Variants in PARD3B observed in about 807,000 individuals in gnomAD.
The protein encoded by PARD3B is par-3 family cell polarity regulator beta.
A neutral mutation model predicts 130.2 loss-of-function variants in PARD3B; 103 were observed. The observed-to-expected ratio is 0.79, with a 90% CI of 0.67 to 0.93. The LOEUF (loss-of-function observed/expected upper bound fraction) is 0.93. Ranked by LOEUF, PARD3B falls within the 40% of genes least tolerant of loss-of-function variation. The pLI is 0.00. For synonymous variants in PARD3B, 583 were observed against 553.2 expected, an observed-to-expected ratio of 1.05 and a Z score of -0.76; for missense variants, 1,609 against 1,499.2, an observed-to-expected ratio of 1.07 and a Z score of -1.21.
chr2:204,910,937 C>T (rs1449468083), intron 2 of PARD3B, among the ~76,000 whole-genome samples: 3 of 152,220 alleles, frequency 2.0e-5, no homozygotes, highest in East Asian at 1.9e-4. Context: ...ACACCGCGCC[C>T]GGCCAAGATT....
intron 4 of PARD3B, among the ~76,000 whole-genome samples, chr2:205,095,774 A>C (rs1229735679): frequency 6.6e-6 from 1 of 152,074 alleles, no homozygotes; most frequent in Non-Finnish European, 1.5e-5. Context: ...AAACACAAAC[A>C]AAAAAACTCC....
Position 205,347,733 on chromosome 2 carries a change from G to A in PARD3B, c.2630+46032G>A, listed in dbSNP as rs139577712. On this transcript the variant is annotated intron_variant, in intron 18 of 22. Transcript: ENST00000406610. ...GATGTCTTGGCAAACCTACTGATAT[G>A]TGTGTTATTTGTCTCTGTCTTCTTA... is the stretch of plus-strand genomic sequence containing the variant. 7.4e-3 allele frequency: 1,129 copies of A among 152,304 alleles called. 3 individuals are homozygous for A. Among genetic ancestry groups the A allele is most frequent in the East Asian group, 0.014 (74 of 5,192 alleles). 9.4% of individuals were successfully genotyped at this position (152,304 alleles called of 1,614,324 possible).
At chr2:204,957,463 T>C (rs1012059108) in intron 2 of PARD3B, among the ~76,000 whole-genome samples, 19 of 152,122 alleles carry the variant, frequency 1.2e-4, no homozygotes, top group Admixed American at 1.1e-3. Context: ...AATTTTCAGT[T>C]TGGGGAGGAA....
chr2:205,547,723 A>G (rs1428982600), intron 21 of PARD3B, among the ~76,000 whole-genome samples: 4 of 152,204 alleles, frequency 2.6e-5, no homozygotes, highest in Non-Finnish European at 5.9e-5. Flanking sequence ...TAGCAATGTT[A>G]CAGCTGCTAA....
At chr2:204,821,787 G>T (rs988136345) in intron 2 of PARD3B, among the ~76,000 whole-genome samples, 2 of 152,102 alleles carry the variant, frequency 1.3e-5, no homozygotes, top group Non-Finnish European at 1.5e-5. Flanking sequence ...CACCATCCAT[G>T]TGAGACGTGA....
In PARD3B at chr2:204,709,485, T is replaced by C. The variant is rs781076387; in HGVS notation, c.222+23203T>C. Among the ~76,000 whole-genome samples, 27 of 152,202 alleles carry C rather than the reference T, an allele frequency of 1.8e-4. 1 individual carries two copies. The highest frequency in any genetic ancestry group is 9.8e-4 in the Admixed American group (15 of 15,280). ...TGAGCATATGTGTCTTTTATTATTC[T>C]ACTTTATTATTCTCTTCTCTTTTAT... On this transcript the variant is annotated intron_variant, in intron 2 of 22. Coordinates refer to ENST00000406610, the MANE Select transcript of PARD3B (RefSeq NM_001302769.2).
intron 21 of PARD3B, among the ~76,000 whole-genome samples, chr2:205,522,350 GATCTTTAA>G (rs1195256101): frequency 1.3e-5 from 2 of 150,038 alleles, no homozygotes; most frequent in Non-Finnish European, 2.9e-5. Context: ...TGATTTATAT[GATCTTTAA>G]ATCAAGGAAT....
Position 205,416,576 on chromosome 2 carries a change from A to T in PARD3B, c.2741+15453A>T, listed in dbSNP as rs954079539. Reference sequence around the variant, plus strand: ...AAAATCTGCTAAGCCCTTGGCCTGCAGGTGAGCAGCATGCACAAAAGTAGA... The same window carrying T: ...AAAATCTGCTAAGCCCTTGGCCTGCTGGTGAGCAGCATGCACAAAAGTAGA... On this transcript the variant is annotated intron_variant, in intron 19 of 22. Coordinates refer to ENST00000406610, the MANE Select transcript of PARD3B (RefSeq NM_001302769.2). 2.0e-5 allele frequency among the ~76,000 whole-genome samples: 3 copies of T among 152,288 alleles called. No homozygotes were observed. In the South Asian group the frequency reaches 6.2e-4, roughly 32 times the overall value.
intron 2 of PARD3B, among the ~76,000 whole-genome samples, chr2:204,721,969 A>G (rs1286556860): frequency 6.6e-6 from 1 of 152,174 alleles, no homozygotes; most frequent in Non-Finnish European, 1.5e-5. Context: ...AACTCTAATG[A>G]TATTTTAGTG....
Position 205,592,916 on chromosome 2 carries a change from C to G in PARD3B, c.3261-22540C>G, listed in dbSNP as rs143779877. Among the ~76,000 whole-genome samples the G allele has an allele frequency of 6.6e-6, 1 of 152,380 alleles. No individual in the cohort carries two copies. Among genetic ancestry groups the G allele is most frequent in the East Asian group, 1.9e-4 (1 of 5,184 alleles). ...CAGATGCCCCATGGCACTGACTCAG[C>G]CTTGAGCAGAAGCACTGTGTTTTGT... On this transcript the variant is annotated intron_variant, in intron 22 of 22. Transcript: ENST00000406610. The surrounding 1 kb of genome is among the most constrained non-coding windows in gnomAD (Gnocchi z 4.5).
chr2:205,095,850 A>T (rs1021632578), intron 4 of PARD3B, among the ~76,000 whole-genome samples: 1 of 152,136 alleles, frequency 6.6e-6, no homozygotes, highest in Non-Finnish European at 1.5e-5. Context: ...TTAAAATCTC[A>T]ATCAGAATAC....
chr2:205,238,894 A>G (rs573657733), intron 15 of PARD3B, among the ~76,000 whole-genome samples: 5,663 of 125,454 alleles, frequency 0.045, 344 homozygotes, highest in East Asian at 0.23. Flanking sequence ...GTGTATATAT[A>G]TATATATATA....
At chr2:205,536,356 T>C (rs1416923524) in intron 21 of PARD3B, among the ~76,000 whole-genome samples, 1 of 152,164 alleles carries the variant, frequency 6.6e-6, no homozygotes, top group Non-Finnish European at 1.5e-5. Context: ...TTCCACAGCA[T>C]TGCATTCTCC....
At chr2:205,297,617 G>A (rs967866007) in intron 16 of PARD3B, among the ~76,000 whole-genome samples, 4 of 152,146 alleles carry the variant, frequency 2.6e-5, no homozygotes, top group Non-Finnish European at 5.9e-5. Context: ...CCCCAGTTCA[G>A]TCAGTTCACT....
intron 3 of PARD3B, among the ~76,000 whole-genome samples, chr2:205,012,633 T>G (rs866732189): frequency 3.9e-5 from 6 of 152,234 alleles, no homozygotes; most frequent in Non-Finnish European, 8.8e-5. Context: ...TGCTTAAAAG[T>G]ACCACTCACA....
chr2:205,041,787 C>A (rs1286086242), intron 3 of PARD3B, among the ~76,000 whole-genome samples: 1 of 152,124 alleles, frequency 6.6e-6, no homozygotes, highest in Non-Finnish European at 1.5e-5. Context: ...TGCCTTGTAA[C>A]TTTTGATGTG....
intron 2 of PARD3B, among the ~76,000 whole-genome samples, chr2:204,830,710 C>T (rs1030713555): frequency 3.9e-5 from 6 of 152,154 alleles, no homozygotes; most frequent in South Asian, 2.1e-4. Context: ...CTGTCTCTGA[C>T]GTGGGAATGA....
chr2:205,391,037 A>G (rs2045840152), intron 18 of PARD3B, among the ~76,000 whole-genome samples: 1 of 152,144 alleles, frequency 6.6e-6, no homozygotes, highest in South Asian at 2.1e-4. Flanking sequence ...TCCTGTGGGG[A>G]CCATTTCCTT....
chr2:204,582,503 T>TC (rs5837926), intron 1 of PARD3B, among the ~76,000 whole-genome samples: 90,209 of 151,610 alleles, frequency 0.6, 30,658 homozygotes, highest in Non-Finnish European at 0.75. Flanking sequence ...AGATTGAGGT[T>TC]CCCCCCCCTC....
Sources: gnomAD v4.1 joint callset for allele counts (sites outside exome capture counted in the v4.1 genomes callset) on GRCh38, gnomAD v4.1.1 for gene constraint, Gnocchi (gnomAD v3.1) non-coding constraint, MANE v1.5 for transcripts, NCBI Gene and HGNC (gene_info 2026-07-23, HGNC 2026-07-21) for gene names.